Variants in TNFSF4 observed in about 807,000 individuals in gnomAD.
The protein encoded by TNFSF4 is tumor necrosis factor ligand superfamily member 4.
TNFSF4 carries 4 observed loss-of-function variants against 7.3 expected under a neutral mutation model. The observed-to-expected ratio is 0.55, with a 90% CI of 0.27 to 1.25. TNFSF4 has a LOEUF of 1.25. Among genes scored for constraint, TNFSF4 ranks in the 50% most tolerant of loss-of-function variants. The pLI is 0.12. For synonymous variants in TNFSF4, 76 were observed against 83.7 expected (o/e 0.91, Z 0.50); for missense variants, 181 against 208.8 (o/e 0.87, Z 0.82).
the TNFSF4 span, among the ~76,000 whole-genome samples, chr1:173,177,143 G>A: frequency 6.6e-6 from 1 of 152,020 alleles, no homozygotes. Context: ...AAAAATGGTT[G>A]AAAAGGTAAA....
At chr1:173,301,003 T>C in the TNFSF4 span, among the ~76,000 whole-genome samples, 1 of 151,944 alleles carries the variant, frequency 6.6e-6, no homozygotes, top group Non-Finnish European at 1.5e-5. Context: ...TACAGTTTTA[T>C]GCATTCCAAA....
the TNFSF4 span, among the ~76,000 whole-genome samples, chr1:173,264,419 T>G: frequency 2.0e-5 from 3 of 150,560 alleles, no homozygotes; most frequent in Non-Finnish European, 2.9e-5. Flanking sequence ...CCTCCCAAAG[T>G]GTTGGGATTA....
At chr1:173,244,558 C>G in the TNFSF4 span, among the ~76,000 whole-genome samples, 2 of 147,002 alleles carry the variant, frequency 1.4e-5, no homozygotes, top group African/African-American at 5.1e-5. Flanking sequence ...AGGAGAATGG[C>G]GTGAACCCGG....
At chr1:173,325,622 G>A in the TNFSF4 span, among the ~76,000 whole-genome samples, 1 of 151,838 alleles carries the variant, frequency 6.6e-6, no homozygotes, top group African/African-American at 2.4e-5. Context: ...CCGCTAGCAA[G>A]ACTAATAAAG....
the TNFSF4 span, among the ~76,000 whole-genome samples, chr1:173,390,592 C>CA: frequency 2.0e-5 from 3 of 151,764 alleles, no homozygotes; most frequent in African/African-American, 7.3e-5. Context: ...AGTGTAGGTC[C>CA]CCTAAGACAA....
At chr1:173,409,191 A>T in the TNFSF4 span, among the ~76,000 whole-genome samples, 1 of 152,174 alleles carries the variant, frequency 6.6e-6, no homozygotes. Context: ...AATAACTGTA[A>T]TCTACTAAAA....
At chr1:173,397,820 C>G in the TNFSF4 span, among the ~76,000 whole-genome samples, 1 of 152,290 alleles carries the variant, frequency 6.6e-6, no homozygotes, top group Non-Finnish European at 1.5e-5. Flanking sequence ...GAGATTTGCA[C>G]CACCACTAAG....
intron 1 of TNFSF4, among the ~76,000 whole-genome samples, chr1:173,190,104 T>C (rs1034277172): frequency 2.6e-5 from 4 of 151,716 alleles, no homozygotes; most frequent in Non-Finnish European, 4.4e-5. Flanking sequence ...TAATCCCAGC[T>C]TCTTGGGAGG....
chr1:173,253,380 C>T, the TNFSF4 span, among the ~76,000 whole-genome samples: 1 of 152,154 alleles, frequency 6.6e-6, no homozygotes, highest in African/African-American at 2.4e-5. Flanking sequence ...GAACAGGATC[C>T]ATAGTAGACC....
chr1:173,433,986 A>T, the TNFSF4 span, among the ~76,000 whole-genome samples: 1 of 152,314 alleles, frequency 6.6e-6, no homozygotes, highest in East Asian at 1.9e-4. Context: ...AGTGAAGATG[A>T]GTTATGCTGC....
At chr1:173,243,007 G>T in the TNFSF4 span, among the ~76,000 whole-genome samples, 20 of 103,470 alleles carry the variant, frequency 1.9e-4, 1 homozygote, top group African/African-American at 6.7e-4. Flanking sequence ...TGGTGGGTGG[G>T]GGGGGGGGGG....
At chr1:173,205,402 G>T in intron 1 of TNFSF4, 1 of 1,605,562 alleles carries the variant, frequency 6.2e-7, no homozygotes, top group South Asian at 1.1e-5. Context: ...TGTTGGAAAG[G>T]ATCCCCTCTT....
the TNFSF4 span, among the ~76,000 whole-genome samples, chr1:173,311,086 A>G: frequency 6.6e-6 from 1 of 152,042 alleles, no homozygotes; most frequent in African/African-American, 2.4e-5. Context: ...TGTATATTAA[A>G]GCATTTAGTC....
the TNFSF4 span, among the ~76,000 whole-genome samples, chr1:173,332,665 C>G: frequency 6.6e-6 from 1 of 152,048 alleles, no homozygotes; most frequent in East Asian, 1.9e-4. Context: ...ACTTGCCTGA[C>G]CAATATGGTG....
At chr1:173,444,138 G>A in the TNFSF4 span, among the ~76,000 whole-genome samples, 1 of 151,950 alleles carries the variant, frequency 6.6e-6, no homozygotes. Context: ...TACCAAAATC[G>A]AAACCATTTA....
chr1:173,362,757 T>C, the TNFSF4 span: 4 of 399,634 alleles, frequency 1.0e-5, 1 homozygote, highest in South Asian at 8.9e-5. Context: ...GATACTTGCT[T>C]TGCCAAAGGA....
intron 1 of TNFSF4, among the ~76,000 whole-genome samples, chr1:173,192,450 G>A (rs185546802): frequency 1.3e-5 from 2 of 152,220 alleles, no homozygotes; most frequent in Admixed American, 1.3e-4. Context: ...TATTATACAA[G>A]AGAAGCCAAT....
the TNFSF4 span, among the ~76,000 whole-genome samples, chr1:173,446,191 C>T: frequency 6.6e-6 from 1 of 151,420 alleles, no homozygotes; most frequent in East Asian, 1.9e-4. Flanking sequence ...CGTAACTATG[C>T]TCCACAAAGT....
the TNFSF4 span, among the ~76,000 whole-genome samples, chr1:173,215,571 T>G: frequency 2.6e-5 from 4 of 152,208 alleles, no homozygotes; most frequent in African/African-American, 9.7e-5. Context: ...CTAAGCAGCA[T>G]GTCTAGACAG....
Sources: gnomAD v4.1 joint callset for allele counts (sites outside exome capture counted in the v4.1 genomes callset) on GRCh38, gnomAD v4.1.1 for gene constraint, MANE v1.5 for transcripts, NCBI Gene and HGNC (gene_info 2026-07-23, HGNC 2026-07-21) for gene names.